The following NARS2 variants were observed in gnomAD, a reference collection of about 807,000 sequenced individuals.
NARS2 encodes the protein asparaginyl-tRNA synthetase 2, mitochondrial.
A neutral mutation model predicts 62.9 loss-of-function variants in NARS2; 60 were observed. That is an observed-to-expected ratio of 0.95 (90% CI 0.77 to 1.18). The LOEUF is 1.18. Among genes scored for constraint, NARS2 ranks in the 50% most tolerant of loss-of-function variants. The pLI is 0.00. For synonymous variants in NARS2, 196 were observed against 200.0 expected (o/e 0.98, Z 0.17); for missense variants, 619 against 576.4 (o/e 1.07, Z -0.76).
rs114590976 is a variant in NARS2 at position 78,493,420 on chromosome 11, C to T, written c.690-225G>A. 7.8e-3 allele frequency among the ~76,000 whole-genome samples: 1,183 copies of T among 152,262 alleles called. 16 individuals are homozygous for T. Among genetic ancestry groups the T allele is most frequent in the African/African-American group, 0.027 (1,118 of 41,566 alleles). On this transcript the variant is annotated intron_variant, in intron 6 of 13. Transcript: ENST00000281038. Reference sequence around the variant, plus strand: ...CAGTGGCTCAGGTCTGTAATCCTAGCACTTCCTGGGAGGACTGCTTAAACT... The same window carrying T: ...CAGTGGCTCAGGTCTGTAATCCTAGTACTTCCTGGGAGGACTGCTTAAACT...
Position 78,559,598 on chromosome 11 carries a change from G to C in NARS2, c.535C>G (p.His179Asp). ...TCATTGGATGTGATTATTGGAGTAT[G>C]AATATGTACAAAGCCACTGTCCTGA... ...FFKDSGFVHIHTPIITSNDSE... is the reference protein window; with the variant it reads ...FFKDSGFVHIDTPIITSNDSE... The change falls in exon 5 of 14, where the codon CAT becomes GAT. Residue 179 changes from histidine to aspartate, a missense_variant. Coordinates refer to ENST00000281038, the MANE Select transcript of NARS2 (RefSeq NM_024678.6). 1.2e-6 allele frequency: 2 copies of C among 1,612,518 alleles called. No individual in the cohort carries two copies. The highest frequency in any genetic ancestry group is 2.2e-5 in the South Asian group (2 of 91,034).
chr11:78,465,403 A>C (rs76749267), intron 11 of NARS2, among the ~76,000 whole-genome samples: 3,872 of 152,340 alleles, frequency 0.025, 166 homozygotes, highest in African/African-American at 0.089. Context: ...AGTGGGCGCC[A>C]AGGCCGAGGA....
chr11:78,494,962 T>C (rs1332918435), intron 6 of NARS2, among the ~76,000 whole-genome samples: 3 of 152,212 alleles, frequency 2.0e-5, no homozygotes, highest in Admixed American at 2.0e-4. Context: ...AAAATTTAGT[T>C]GTTTACACCT....
At chr11:78,549,175 C>T (rs561170200) in intron 5 of NARS2, among the ~76,000 whole-genome samples, 35 of 152,352 alleles carry the variant, frequency 2.3e-4, no homozygotes, top group South Asian at 2.3e-3. Context: ...CTGCTGAGAA[C>T]ACTAGGGTCC....
intron 4 of NARS2, among the ~76,000 whole-genome samples, chr11:78,564,165 G>C (rs925943696): frequency 6.6e-6 from 1 of 151,502 alleles, no homozygotes; most frequent in Non-Finnish European, 1.5e-5. Flanking sequence ...CTCCCAAAGT[G>C]CTAGGATTAC....
chr11:78,517,452 C>T (rs1217303940), intron 6 of NARS2, among the ~76,000 whole-genome samples: 4 of 152,212 alleles, frequency 2.6e-5, no homozygotes, highest in South Asian at 4.1e-4. Context: ...AAGAGCAATA[C>T]TTTGACTACC....
At chr11:78,515,627 C>T (rs1860878260) in intron 6 of NARS2, among the ~76,000 whole-genome samples, 1 of 151,976 alleles carries the variant, frequency 6.6e-6, no homozygotes, top group South Asian at 2.1e-4. Flanking sequence ...AAGCAATCCT[C>T]CTGCCTCAGC....
At chr11:78,546,441 T>C (rs778144329) in intron 5 of NARS2, 4 of 152,192 alleles carry the variant, frequency 2.6e-5, no homozygotes, top group African/African-American at 4.8e-5. Flanking sequence ...CTGGGAAGCA[T>C]AGTGCACTAG....
At chr11:78,545,634 T>C (rs750835689) in intron 5 of NARS2, among the ~76,000 whole-genome samples, 2 of 151,694 alleles carry the variant, frequency 1.3e-5, no homozygotes, top group African/African-American at 2.4e-5. Context: ...AAGCAATTCT[T>C]GTGCCTCAGC....
chr11:78,480,082 T>C (rs1859281070), intron 7 of NARS2, among the ~76,000 whole-genome samples: 1 of 151,996 alleles, frequency 6.6e-6, no homozygotes, highest in Non-Finnish European at 1.5e-5. Context: ...TGATATTTAG[T>C]AGAGATTAGG....
At chr11:78,458,051 G>T (rs1376093379) in intron 11 of NARS2, among the ~76,000 whole-genome samples, 1 of 152,068 alleles carries the variant, frequency 6.6e-6, no homozygotes, top group Non-Finnish European at 1.5e-5. Flanking sequence ...CTGGTATTCT[G>T]CAGCAATATA....
At chr11:78,443,182 C>T (rs1035098258) in intron 12 of NARS2, among the ~76,000 whole-genome samples, 3 of 151,828 alleles carry the variant, frequency 2.0e-5, no homozygotes, top group East Asian at 3.9e-4. Flanking sequence ...AAAAATTAGC[C>T]GGGCGTGGTG....
chr11:78,493,233 CAT>C (rs775696477), intron 6 of NARS2, 38 bp from the exon 7 acceptor site: 2 of 1,554,766 alleles, frequency 1.3e-6, no homozygotes, highest in Non-Finnish European at 1.7e-6. Context: ...ATAGAATTCA[CAT>C]GATTAATTTT....
intron 9 of NARS2, among the ~76,000 whole-genome samples, chr11:78,475,741 C>T (rs1325838002): frequency 1.3e-5 from 2 of 151,848 alleles, no homozygotes; most frequent in Admixed American, 6.6e-5. Context: ...GCACTACAGG[C>T]ACATGTCACC....
intron 6 of NARS2, among the ~76,000 whole-genome samples, chr11:78,498,605 C>T (rs1048672696): frequency 5.3e-5 from 8 of 151,798 alleles, no homozygotes; most frequent in African/African-American, 1.9e-4. Context: ...ACTCATGTCT[C>T]CCCCCAGCTT....
rs144829751 is a variant in NARS2 at position 78,532,197 on chromosome 11, T to C, written c.595-3261A>G. 1.9e-3 allele frequency among the ~76,000 whole-genome samples: 293 copies of C among 152,280 alleles called. 1 individual carries two copies. The highest frequency in any genetic ancestry group is 6.8e-3 in the African/African-American group (282 of 41,566). ...AATATATGAATTAAACACCCAACTT[T>C]GTGACTTTATCAGTGGGGAAGGATT... is the stretch of plus-strand genomic sequence containing the variant. On this transcript the variant is annotated intron_variant, in intron 5 of 13. Transcript: ENST00000281038.
At chr11:78,461,411 A>G (rs1858389456) in intron 11 of NARS2, among the ~76,000 whole-genome samples, 1 of 151,974 alleles carries the variant, frequency 6.6e-6, no homozygotes, top group Admixed American at 6.6e-5. Context: ...GTAGAGGGTT[A>G]TAAGAATAAA....
intron 6 of NARS2, among the ~76,000 whole-genome samples, chr11:78,511,325 C>T (rs769187564): frequency 2.6e-5 from 4 of 152,208 alleles, no homozygotes; most frequent in Non-Finnish European, 4.4e-5. Flanking sequence ...GAAATCCCCT[C>T]GCCTTGTCCT....
chr11:78,497,729 T>C (rs995182847), intron 6 of NARS2, among the ~76,000 whole-genome samples: 5 of 152,148 alleles, frequency 3.3e-5, no homozygotes, highest in Non-Finnish European at 7.4e-5. Context: ...AGACTCCAGA[T>C]ACCCCCTTTT....
Sources: allele counts gnomAD v4.1 joint callset (sites outside exome capture counted in the v4.1 genomes callset), GRCh38; gene constraint gnomAD v4.1.1; transcripts MANE v1.5; gene names NCBI Gene and HGNC (gene_info 2026-07-23, HGNC 2026-07-21).